Variants in CCDC171 observed in about 807,000 individuals in gnomAD.
CCDC171 encodes coiled-coil domain containing 171.
Under a neutral mutation model 168.2 loss-of-function variants are expected in CCDC171, and 177 were observed. The ratio of observed to expected loss-of-function variants is 1.05; its 90% CI spans 0.93 to 1.19. CCDC171 has a LOEUF of 1.19. Among genes scored for constraint, CCDC171 ranks in the 50% most tolerant of loss-of-function variants. The pLI, the probability that CCDC171 is intolerant of heterozygous loss-of-function variation, is 0.00. For missense variants in CCDC171, 1,991 were observed against 1,539.0 expected (o/e 1.29, Z -4.91); for synonymous variants, 687 against 540.8 (o/e 1.27, Z -3.75).
chr9:15,605,152 C>G (rs1014796110), intron 6 of CCDC171, among the ~76,000 whole-genome samples: 3 of 152,098 alleles, frequency 2.0e-5, no homozygotes, highest in Admixed American at 6.5e-5. Context: ...CTGCCTCAGT[C>G]TCCCAAAGTA....
chr9:15,958,240 G>T (rs989199444), intron 25 of CCDC171, among the ~76,000 whole-genome samples: 1 of 152,060 alleles, frequency 6.6e-6, no homozygotes, highest in Admixed American at 6.6e-5. Flanking sequence ...AAAATAGCCT[G>T]TGGCTTCAAG....
chr9:15,696,427 A>G (rs1355882832), intron 11 of CCDC171, among the ~76,000 whole-genome samples: 1 of 152,224 alleles, frequency 6.6e-6, no homozygotes, highest in Non-Finnish European at 1.5e-5. Flanking sequence ...ACTTTTCCCA[A>G]AAGCATTACT....
chr9:15,896,296 A>G (rs1370726866), intron 24 of CCDC171, among the ~76,000 whole-genome samples: 1 of 152,070 alleles, frequency 6.6e-6, no homozygotes, highest in African/African-American at 2.4e-5. Flanking sequence ...GAGTCTAAAC[A>G]AGATACAAAG....
intron 4 of CCDC171, chr9:15,588,537 G>T: frequency 2.9e-6 from 1 of 349,106 alleles, no homozygotes; most frequent in East Asian, 8.5e-5. Flanking sequence ...CTTACAAGGA[G>T]GGGAAGAATC....
At chr9:16,102,676 A>G in the CCDC171 span, among the ~76,000 whole-genome samples, 4 of 152,116 alleles carry the variant, frequency 2.6e-5, no homozygotes, top group Non-Finnish European at 4.4e-5. Flanking sequence ...GTGTTTTGCA[A>G]TTCTCCAAAT....
At chr9:15,739,428 T>A (rs909192470) in intron 16 of CCDC171, among the ~76,000 whole-genome samples, 1 of 152,080 alleles carries the variant, frequency 6.6e-6, no homozygotes, top group Non-Finnish European at 1.5e-5. Context: ...GAACCTTAGT[T>A]CAGTAAAGAC....
chr9:15,904,603 A>G (rs1439983987), intron 24 of CCDC171, among the ~76,000 whole-genome samples: 1 of 152,192 alleles, frequency 6.6e-6, no homozygotes, highest in African/African-American at 2.4e-5. Flanking sequence ...GCTAGGAAAA[A>G]CTGCATCAAC....
chr9:15,649,601 C>T (rs887688235), intron 7 of CCDC171, among the ~76,000 whole-genome samples: 4 of 152,164 alleles, frequency 2.6e-5, no homozygotes, highest in Non-Finnish European at 5.9e-5. Flanking sequence ...TATGAACAGA[C>T]ACTTCTCAAA....
rs145774405 is a variant in CCDC171, at chr9:15,908,619, C to T, written c.3601-11651C>T. 2.6e-4 allele frequency among the ~76,000 whole-genome samples: 40 copies of T among 152,114 alleles called. 1 individual carries two copies. The East Asian group carries it at 7.0e-3, about 26-fold the overall frequency. Reference sequence around the variant, plus strand: ...ATGTATACATATGAACTAACCTGCACGTTGTGCACCTGTACCCTAAAAGTT... The same window carrying T: ...ATGTATACATATGAACTAACCTGCATGTTGTGCACCTGTACCCTAAAAGTT... On this transcript the variant is annotated intron_variant, in intron 24 of 25. Transcript: ENST00000380701.
intron 15 of CCDC171, among the ~76,000 whole-genome samples, chr9:15,729,016 C>G (rs941774568): frequency 1.3e-5 from 2 of 152,054 alleles, no homozygotes; most frequent in African/African-American, 2.4e-5. Context: ...GGCACAGATG[C>G]TATTCTTGAT....
chr9:16,102,777 A>G, the CCDC171 span, among the ~76,000 whole-genome samples: 17 of 152,130 alleles, frequency 1.1e-4, no homozygotes, highest in Non-Finnish European at 1.6e-4. Flanking sequence ...GCCGGAGGAA[A>G]CTCTTAGGTG....
chr9:15,960,116 T>G (rs1830201437), intron 25 of CCDC171, among the ~76,000 whole-genome samples: 1 of 152,186 alleles, frequency 6.6e-6, no homozygotes, highest in Non-Finnish European at 1.5e-5. Flanking sequence ...ACTTGGGACT[T>G]TGTATCCACA....
intron 23 of CCDC171, among the ~76,000 whole-genome samples, chr9:15,870,394 T>A (rs1023720570): frequency 6.6e-6 from 1 of 151,784 alleles, no homozygotes; most frequent in Non-Finnish European, 1.5e-5. Flanking sequence ...AGAGGTCTGT[T>A]TTCATATGGA....
intron 3 of CCDC171, among the ~76,000 whole-genome samples, chr9:15,578,036 CT>C (rs1219557514): frequency 6.6e-6 from 1 of 152,088 alleles, no homozygotes; most frequent in Non-Finnish European, 1.5e-5. Flanking sequence ...AAAATTGGCA[CT>C]TTTATTACTT....
At chr9:16,001,887 A>C in intron 3 of CCDC171, among the ~76,000 whole-genome samples, 1 of 145,624 alleles carries the variant, frequency 6.9e-6, no homozygotes, top group Non-Finnish European at 1.5e-5. Flanking sequence ...ACCCAGGCTG[A>C]AGTGTGGGGG....
chr9:15,839,645 C>T (rs555229970), intron 21 of CCDC171, among the ~76,000 whole-genome samples: 1 of 151,644 alleles, frequency 6.6e-6, no homozygotes, highest in Non-Finnish European at 1.5e-5. Context: ...AAGTAATTTT[C>T]CCCCCTAGTG....
rs748265335 is a variant in CCDC171, at chr9:15,727,958, C to A, written c.1782C>A (p.Phe594Leu). Reference protein sequence around the residue: ...IKQPEGMLDKFSWSELCAVLQ... With the variant: ...IKQPEGMLDKLSWSELCAVLQ... The stretch of plus-strand genomic sequence containing the variant: ...AACCAGAAGGCATGCTGGATAAATT[C>A]TCTTGGTCTGAGCTTTGTGCAGTCT... The change falls in exon 15 of 26, where the codon TTC (phenylalanine) becomes TTA (leucine). Residue 594 changes from phenylalanine (F) to leucine (L), a missense_variant. Coordinates refer to ENST00000380701, the MANE Select transcript of CCDC171 (RefSeq NM_173550.4). 6.2e-7 allele frequency: 1 copy of A among 1,613,256 alleles called. No homozygotes were observed. Among genetic ancestry groups the A allele is most frequent in the East Asian group, 2.2e-5 (1 of 44,862 alleles).
At chr9:15,607,705 C>G (rs2043328605) in intron 6 of CCDC171, among the ~76,000 whole-genome samples, 1 of 152,104 alleles carries the variant, frequency 6.6e-6, no homozygotes, top group Admixed American at 6.5e-5. Flanking sequence ...TCCAGTGATC[C>G]ACCCGCCTTG....
At chr9:15,912,677 T>A (rs562964318) in intron 24 of CCDC171, among the ~76,000 whole-genome samples, 5 of 152,226 alleles carry the variant, frequency 3.3e-5, no homozygotes, top group Non-Finnish European at 5.9e-5. Flanking sequence ...TGTGCGTTTG[T>A]CATAAATAGC....
Sources: allele counts gnomAD v4.1 joint callset (sites outside exome capture counted in the v4.1 genomes callset), GRCh38; gene constraint gnomAD v4.1.1; transcripts MANE v1.5; gene names NCBI Gene and HGNC (gene_info 2026-07-23, HGNC 2026-07-21).